POLR1C: variants seen among roughly 807,000 people sequenced by gnomAD.
The protein encoded by POLR1C is RNA polymerase I and III subunit C.
Under a neutral mutation model 38.3 loss-of-function variants are expected in POLR1C, and 42 were observed. The ratio of observed to expected loss-of-function variants is 1.10; its 90% CI spans 0.86 to 1.42. The LOEUF is 1.42. Among genes scored for constraint, POLR1C ranks in the 40% most tolerant of loss-of-function variants. The pLI is 0.00. For synonymous variants in POLR1C, 163 were observed against 163.9 expected, an observed-to-expected ratio of 0.99 and a Z score of 0.04; for missense variants, 507 against 450.5, an observed-to-expected ratio of 1.13 and a Z score of -1.14.
chr6:43,519,170 C>T lies in POLR1C; in HGVS notation c.142-163C>T, dbSNP rs547331926. 7 of 670,720 alleles carry T rather than the reference C, an allele frequency of 1.0e-5. No homozygotes were observed. In the South Asian group the frequency reaches 1.1e-4, roughly 11 times the overall value. The allele number at this position is 670,720 out of a possible 1,614,324, so 41.5% of individuals were successfully genotyped here. A position where few individuals can be genotyped will look rare whatever the true frequency, so the allele number is the denominator to read the frequency against. On this transcript the variant is annotated intron_variant, in intron 2 of 8. Coordinates refer to ENST00000642195, the MANE Select transcript of POLR1C (RefSeq NM_203290.4). ...ACAAAAATGGAGACTTTTCATGAAA[C>T]TTAAAACACTGGGCGAGATAGAATA...
rs186280173 is a variant in POLR1C at position 43,529,465 on chromosome 6, A to G, written c.*110A>G. ...GCTACTCGAGAAGCTAAGGCAAGAG[A>G]ATGGTGTGAACCTGGGAGGCGAAGC... On this transcript the variant is annotated 3_prime_UTR_variant, in exon 9 of 9. Coordinates refer to the POLR1C transcript ENST00000304004. 449 of 316,074 alleles carry G rather than the reference A, an allele frequency of 1.4e-3. 2 individuals are homozygous for G. The highest frequency in any genetic ancestry group is 9.6e-3 in the African/African-American group (413 of 43,070). The allele number at this position is 316,074 out of a possible 1,614,324, so 19.6% of individuals were successfully genotyped here.
downstream of POLR1C, chr6:43,525,140 T>G (rs541913490): frequency 4.7e-5 from 75 of 1,581,526 alleles, no homozygotes; most frequent in South Asian, 8.2e-4. Flanking sequence ...GCTGTGAGGT[T>G]GTCCTCTGGC....
chr6:43,525,678 G>A (rs1793539708), downstream of POLR1C: 5 of 701,280 alleles, frequency 7.1e-6, no homozygotes, highest in Non-Finnish European at 9.3e-6. Context: ...CCATGGCATT[G>A]CACCTTTTCC....
intron 10 of POLR1C, chr6:43,553,613 G>A: frequency 6.9e-7 from 1 of 1,443,794 alleles, no homozygotes; most frequent in Non-Finnish European, 9.1e-7. Flanking sequence ...GAACACCTGA[G>A]AATTTCATGA....
downstream of POLR1C, chr6:43,524,039 G>C (rs746980628): frequency 4.4e-6 from 7 of 1,602,770 alleles, no homozygotes; most frequent in Admixed American, 1.2e-4. Context: ...ATTAATGCTG[G>C]GCCCTCAGTA....
chr6:43,534,024 T>G (rs1273777452), downstream of POLR1C: 1 of 1,580,044 alleles, frequency 6.3e-7, no homozygotes, highest in Non-Finnish European at 8.6e-7. Flanking sequence ...GAAACAAGAA[T>G]GCTATTGAGC....
At chr6:43,531,154 T>C (rs1254908018), downstream of POLR1C, among the ~76,000 whole-genome samples, 2 of 152,194 alleles carry the variant, frequency 1.3e-5, no homozygotes, top group Non-Finnish European at 2.9e-5. Flanking sequence ...ACCCGACTCC[T>C]ATGAGAAGTA....
chr6:43,546,938 T>C (rs1214065859), intron 9 of POLR1C, among the ~76,000 whole-genome samples: 1 of 152,194 alleles, frequency 6.6e-6, no homozygotes, highest in Non-Finnish European at 1.5e-5. Context: ...ATCCTCTCAC[T>C]GCCATTTTCA....
At chr6:43,558,566 C>G in intron 10 of POLR1C, 2 of 1,598,988 alleles carry the variant, frequency 1.3e-6, no homozygotes, top group South Asian at 2.3e-5. Flanking sequence ...ACAGCTAGGG[C>G]TGTCTGTTTT....
chr6:43,528,332 T>C (rs1793727542), intron 8 of POLR1C: 1 of 872,420 alleles, frequency 1.1e-6, no homozygotes, highest in Non-Finnish European at 1.8e-6. Flanking sequence ...TGACAACTTC[T>C]GTAGACTCCA....
chr6:43,524,089 G>A (rs1021242437), downstream of POLR1C: 50 of 1,527,786 alleles, frequency 3.3e-5, no homozygotes, highest in East Asian at 3.4e-4. Context: ...AGTGGCTCGC[G>A]CCTGTAATCC....
At chr6:43,554,445 A>G (rs925827272) in intron 10 of POLR1C, among the ~76,000 whole-genome samples, 9 of 141,284 alleles carry the variant, frequency 6.4e-5, no homozygotes, top group Non-Finnish European at 1.1e-4. Context: ...TTCTTTTTTG[A>G]GATGGAGTCC....
downstream of POLR1C, among the ~76,000 whole-genome samples, chr6:43,532,780 A>G (rs1020849172): frequency 3.9e-5 from 6 of 152,198 alleles, no homozygotes; most frequent in East Asian, 9.6e-4. Context: ...AAATACCACA[A>G]TTATGACTGC....
intron 9 of POLR1C, among the ~76,000 whole-genome samples, chr6:43,548,930 G>A (rs1795095564): frequency 6.6e-6 from 1 of 152,052 alleles, no homozygotes; most frequent in African/African-American, 2.4e-5. Context: ...ACATAGTAAA[G>A]AGTTGTAGAA....
Position 43,520,172 on chromosome 6 carries a change from C to T in POLR1C, c.489C>T (p.Tyr163=), listed in dbSNP as rs187997427. Residue 163 remains tyrosine (Y), a synonymous_variant, in exon 5 of 9, where the codon TAC becomes TAT. Transcript: ENST00000642195. ...AKDSSDPNEL[Y]VNHKVYTRHM... ...ATTCCTCTGACCCCAACGAACTGTA[C>T]GTGAACCACAAAGGTGAGTAGTGGT... is the stretch of plus-strand genomic sequence containing the variant. 5.4e-5 allele frequency: 87 copies of T among 1,614,204 alleles called. No individual in the cohort carries two copies. The highest frequency in any genetic ancestry group is 3.3e-4 in the Middle Eastern group (2 of 6,062).
At chr6:43,551,387 G>A in intron 10 of POLR1C, 2 of 1,613,930 alleles carry the variant, frequency 1.2e-6, no homozygotes, top group Non-Finnish European at 1.7e-6. Flanking sequence ...GACAGGATGA[G>A]GGGATCCTTG....
intron 9 of POLR1C, among the ~76,000 whole-genome samples, chr6:43,535,730 C>T (rs916107601): frequency 8.0e-5 from 12 of 149,558 alleles, no homozygotes; most frequent in South Asian, 2.1e-4. Flanking sequence ...GGGAGAATGG[C>T]GTGAACCCGG....
chr6:43,547,417 T>C (rs1236840211), intron 9 of POLR1C: 1 of 678,684 alleles, frequency 1.5e-6, no homozygotes. Flanking sequence ...GAAAAGACCA[T>C]CTGCTCTGCT....
intron 10 of POLR1C, chr6:43,551,193 C>T (rs1356920027): frequency 8.1e-7 from 1 of 1,242,012 alleles, no homozygotes; most frequent in Non-Finnish European, 1.1e-6. Context: ...TAATTTGAGT[C>T]CAGCCTGGGC....
Sources: allele counts gnomAD v4.1 joint callset (sites outside exome capture counted in the v4.1 genomes callset), GRCh38; gene constraint gnomAD v4.1.1; transcripts MANE v1.5; gene names NCBI Gene and HGNC (gene_info 2026-07-23, HGNC 2026-07-21).